Variants in CDC42BPB observed in about 807,000 individuals in gnomAD.
The protein encoded by CDC42BPB is serine/threonine-protein kinase MRCK beta.
Under a neutral mutation model 214.9 loss-of-function variants are expected in CDC42BPB, and 37 were observed. The observed-to-expected ratio is 0.17, with a 90% CI of 0.13 to 0.23. The LOEUF (loss-of-function observed/expected upper bound fraction) is 0.23. Among genes scored for constraint, CDC42BPB ranks in the 10% least tolerant of loss-of-function variants. The pLI is 1.00. For missense variants in CDC42BPB, 1,694 were observed against 2,227.0 expected (o/e 0.76, Z 4.82); for synonymous variants, 931 against 884.0 (o/e 1.05, Z -0.94).
At chr14:102,938,515 A>G (rs1891743134) in intron 34 of CDC42BPB, 104 bp from the exon 35 acceptor site, 1 of 1,454,616 alleles carries the variant, frequency 6.9e-7, no homozygotes, top group African/African-American at 1.4e-5. Flanking sequence ...GACCTTGATG[A>G]GCAAAATGGG....
intron 4 of CDC42BPB, among the ~76,000 whole-genome samples, chr14:103,002,717 T>C (rs537375725): frequency 6.6e-6 from 1 of 152,246 alleles, no homozygotes; most frequent in African/African-American, 2.4e-5. Flanking sequence ...GTGGTCACTT[T>C]GGGCAAGTGA....
At chr14:103,055,776 C>T (rs1184539634) in intron 1 of CDC42BPB, among the ~76,000 whole-genome samples, 2 of 150,970 alleles carry the variant, frequency 1.3e-5, no homozygotes, top group East Asian at 3.8e-4. Context: ...AGTCACCAAT[C>T]TGGCAGAGTA....
intron 1 of CDC42BPB, among the ~76,000 whole-genome samples, chr14:103,039,614 C>T (rs1595180615): frequency 1.3e-5 from 2 of 152,132 alleles, no homozygotes; most frequent in East Asian, 3.8e-4. Context: ...TAGAAGGAAA[C>T]TTCCTCAACC....
chr14:102,938,044 C>A (rs1891717695), intron 36 of CDC42BPB, 60 bp downstream of exon 36: 1 of 1,565,308 alleles, frequency 6.4e-7, no homozygotes, highest in Non-Finnish European at 8.8e-7. Context: ...GATCTTCGGG[C>A]TGCTTTTCCT....
At chr14:102,987,372 A>G (rs1894289730) in intron 5 of CDC42BPB, among the ~76,000 whole-genome samples, 1 of 152,266 alleles carries the variant, frequency 6.6e-6, no homozygotes, top group Non-Finnish European at 1.5e-5. Context: ...ATAAGCTTAC[A>G]TGACTCAACA....
intron 2 of CDC42BPB, 42 bp from the exon 3 acceptor site, chr14:103,008,597 A>T (rs1267440498): frequency 6.3e-7 from 1 of 1,593,458 alleles, no homozygotes; most frequent in Admixed American, 1.7e-5. Context: ...CGGTTCTTGA[A>T]CAAAAGGCTA....
At chr14:103,010,873 T>A (rs1056720710) in intron 2 of CDC42BPB, among the ~76,000 whole-genome samples, 22 of 152,010 alleles carry the variant, frequency 1.4e-4, no homozygotes, top group African/African-American at 5.3e-4. Context: ...CTACTAAAAA[T>A]ACAAAAAATT....
At chr14:102,952,846 A>T in intron 23 of CDC42BPB, 1 of 563,940 alleles carries the variant, frequency 1.8e-6, no homozygotes, top group South Asian at 7.7e-5. Context: ...CACTGCTACC[A>T]AAAAGCGAGG....
intron 1 of CDC42BPB, among the ~76,000 whole-genome samples, chr14:103,033,085 C>T (rs543556721): frequency 6.6e-6 from 1 of 152,126 alleles, no homozygotes; most frequent in African/African-American, 2.4e-5. Context: ...AATGAGATGA[C>T]AGATTTCTGG....
chr14:103,049,740 T>C (rs1566927832), intron 1 of CDC42BPB, among the ~76,000 whole-genome samples: 1 of 152,220 alleles, frequency 6.6e-6, no homozygotes, highest in African/African-American at 2.4e-5. Context: ...TGAGACAAAA[T>C]TTTGCTCTTG....
chr14:103,014,681 G>C (rs190742865), intron 1 of CDC42BPB, among the ~76,000 whole-genome samples: 90 of 152,250 alleles, frequency 5.9e-4, no homozygotes, highest in African/African-American at 2.1e-3. Flanking sequence ...GAAGGTTCCA[G>C]GGGCCTGGGA....
chr14:103,012,532 C>T (rs963307074), intron 1 of CDC42BPB, among the ~76,000 whole-genome samples: 2 of 152,098 alleles, frequency 1.3e-5, no homozygotes, highest in Admixed American at 6.6e-5. Context: ...TGGCCAGGCG[C>T]GGTGGCTCAT....
chr14:102,974,553 T>G (rs1893649557), intron 11 of CDC42BPB, among the ~76,000 whole-genome samples: 1 of 152,160 alleles, frequency 6.6e-6, no homozygotes. Context: ...TGTTTTTGGA[T>G]CAGGACAGTG....
chr14:103,034,366 A>AT (rs1887551328), intron 1 of CDC42BPB, among the ~76,000 whole-genome samples: 1 of 152,228 alleles, frequency 6.6e-6, no homozygotes, highest in Non-Finnish European at 1.5e-5. Context: ...AAAAATACAC[A>AT]TTTAAAAAAC....
At chr14:103,029,280 G>A (rs1021800722) in intron 1 of CDC42BPB, among the ~76,000 whole-genome samples, 6 of 152,176 alleles carry the variant, frequency 3.9e-5, no homozygotes, top group Admixed American at 6.5e-5. Flanking sequence ...GCTAAATTAC[G>A]CTTGTAATCC....
chr14:102,999,910 G>A, intron 4 of CDC42BPB, 197 bp from the exon 5 acceptor site: 2 of 985,412 alleles, frequency 2.0e-6, no homozygotes, highest in Non-Finnish European at 2.4e-6. Flanking sequence ...ATCTTCAGGG[G>A]TGCATATGGC....
chr14:102,964,415 G>A, intron 19 of CDC42BPB, 87 bp downstream of exon 19: 2 of 1,494,526 alleles, frequency 1.3e-6, no homozygotes, highest in Non-Finnish European at 1.8e-6. Flanking sequence ...TTCCAGGCGA[G>A]GAGCATCGGA....
Position 102,934,946 on chromosome 14 carries a change from C to CT in CDC42BPB, c.5005-1104dup, listed in dbSNP as rs556994192. Among the ~76,000 whole-genome samples the CT allele has an allele frequency of 2.0e-5, 3 of 150,036 alleles. No homozygotes were observed. The Admixed American group carries it at 2.0e-4, about 10-fold the overall frequency. Reference sequence around the variant, plus strand: ...AATGGCGTGAACCCAGGAGGCGGAGCTTGCAGTGAGCCGAGATCGCATCAC... The same window carrying CT: ...AATGGCGTGAACCCAGGAGGCGGAGCTTTGCAGTGAGCCGAGATCGCATCAC... On this transcript the variant is annotated intron_variant, in intron 36 of 36. Transcript: ENST00000361246.
chr14:102,961,284 A>G (rs1892945906), intron 20 of CDC42BPB, among the ~76,000 whole-genome samples: 3 of 152,230 alleles, frequency 2.0e-5, no homozygotes, highest in Non-Finnish European at 4.4e-5. Flanking sequence ...TTATGACTCA[A>G]AAAAGGAAGA....
Sources: allele counts gnomAD v4.1 joint callset (sites outside exome capture counted in the v4.1 genomes callset), GRCh38; gene constraint gnomAD v4.1.1; transcripts MANE v1.5; gene names NCBI Gene and HGNC (gene_info 2026-07-23, HGNC 2026-07-21).